Variants in CELF2 observed in about 807,000 individuals in gnomAD.
The protein encoded by CELF2 is CUG triplet repeat RNA-binding protein 2.
In CELF2, 8 loss-of-function variants were observed where a neutral mutation model predicts 62.6. That is an observed-to-expected ratio of 0.13 (90% CI 0.07 to 0.23). CELF2 has a LOEUF of 0.23. CELF2 is among the 10% of genes least tolerant of loss of function. CELF2 has a pLI of 1.00. For missense variants in CELF2, 333 were observed against 671.0 expected (o/e 0.50, Z 5.56); for synonymous variants, 258 against 250.0 (o/e 1.03, Z -0.30).
At chr10:10,641,705 T>A in the CELF2 span, among the ~76,000 whole-genome samples, 2 of 152,134 alleles carry the variant, frequency 1.3e-5, no homozygotes, top group Non-Finnish European at 2.9e-5. Flanking sequence ...CGCCTCGGCC[T>A]CCCAAAGTGC....
chr10:11,300,200 T>C lies in CELF2; in HGVS notation c.976+11648T>C, dbSNP rs1410893305. ...ATTAAAGGAGTGGAAACAGGACAGC[T>C]GCTTTGGACGTGAGGAGCAGGTGCT... On this transcript the variant is annotated intron_variant, in intron 9 of 12. Transcript: ENST00000633077. The surrounding 1 kb of genome is among the most constrained non-coding windows in gnomAD (Gnocchi z 5.5). Among the ~76,000 whole-genome samples the C allele has an allele frequency of 5.9e-5, 9 of 152,214 alleles. No individual in the cohort carries two copies. The highest frequency in any genetic ancestry group is 1.0e-4 in the Non-Finnish European group (7 of 68,042).
chr10:10,795,791 T>C (rs547860717), upstream of CELF2, among the ~76,000 whole-genome samples: 71 of 152,274 alleles, frequency 4.7e-4, 1 homozygote, highest in South Asian at 0.012. Flanking sequence ...TTGGACTCAA[T>C]GCATCCTTTA....
rs1302679584 is a variant in CELF2 at position 11,010,711 on chromosome 10, A to C, written c.53+5271A>C. Among the ~76,000 whole-genome samples the C allele has an allele frequency of 6.6e-6, 1 of 152,224 alleles. No homozygotes were observed. The highest frequency in any genetic ancestry group is 1.5e-5 in the Non-Finnish European group (1 of 68,040). ...TGACAGTATAACTATTTAATAGTTG[A>C]CATTTTAAAGACATTTCTTTCTCTG... On this transcript the variant is annotated intron_variant, in intron 1 of 12. Coordinates refer to the CELF2 transcript ENST00000416382. This position sits in a 1 kb window ranked among gnomAD's most constrained non-coding sequence, Gnocchi z 4.1.
chr10:10,842,955 A>T (rs897038065), intron 1 of CELF2, among the ~76,000 whole-genome samples: 2 of 152,038 alleles, frequency 1.3e-5, no homozygotes, highest in Non-Finnish European at 2.9e-5. Context: ...AAGAAAGGTT[A>T]CTTATTAATT....
rs770900438 is a variant in CELF2, at chr10:11,217,826, A to G, written c.354+319A>G. On this transcript the variant is annotated intron_variant, in intron 3 of 12. Transcript: ENST00000633077. This position sits in a 1 kb window ranked among gnomAD's most constrained non-coding sequence, Gnocchi z 5.6. ...AAAAGGAAAAAAAAACCCAACACAC[A>G]CAAGAGAAGCAAATGGAAAAGAAAA... Among the ~76,000 whole-genome samples the G allele has an allele frequency of 1.8e-4, 28 of 152,216 alleles. No individual in the cohort carries two copies. Among genetic ancestry groups the G allele is most frequent in the Non-Finnish European group, 3.8e-4 (26 of 68,042 alleles).
intron 1 of CELF2, among the ~76,000 whole-genome samples, chr10:10,902,802 TGAGGAAGGAAGGA>T (rs2063032548): frequency 9.1e-6 from 1 of 109,992 alleles, no homozygotes; most frequent in Admixed American, 9.4e-5. Context: ...GGAGAGGAAG[TGAGGAAGGAAGGA>T]GAGGAAGGAA....
chr10:10,684,981 C>G, the CELF2 span, among the ~76,000 whole-genome samples: 7 of 152,186 alleles, frequency 4.6e-5, no homozygotes, highest in East Asian at 1.4e-3. Context: ...TTGGTTAGAG[C>G]AAAACCAACA....
In CELF2 at chr10:11,224,081, A is replaced by C. The variant is rs1345134543; in HGVS notation, c.354+6574A>C. The stretch of plus-strand genomic sequence containing the variant: ...CCTACTCGGTATAAGGAATTGTACG[A>C]GAGAAAATGTATGAGGATTCTTCAG... On this transcript the variant is annotated intron_variant, in intron 3 of 12. Transcript: ENST00000633077. The surrounding 1 kb of genome is among the most constrained non-coding windows in gnomAD (Gnocchi z 4.5). 2.0e-5 allele frequency among the ~76,000 whole-genome samples: 3 copies of C among 152,234 alleles called. No homozygotes were observed. Among genetic ancestry groups the C allele is most frequent in the East Asian group, 3.8e-4 (2 of 5,206 alleles).
chr10:11,280,423 G>A lies in CELF2; in HGVS notation c.841+5303G>A, dbSNP rs1311330249. 3.3e-5 allele frequency among the ~76,000 whole-genome samples: 5 copies of A among 152,144 alleles called. No homozygotes were observed. The highest frequency in any genetic ancestry group is 7.4e-5 in the Non-Finnish European group (5 of 68,024). ...CAGGCCAGTGCCTTTCCCCAAAACCGTTTCTCCCCCGCATAGGAGGGGAAG... is the reference window on the plus strand; with the variant it reads ...CAGGCCAGTGCCTTTCCCCAAAACCATTTCTCCCCCGCATAGGAGGGGAAG... On this transcript the variant is annotated intron_variant, in intron 8 of 12. Transcript: ENST00000633077. This position sits in a 1 kb window ranked among gnomAD's most constrained non-coding sequence, Gnocchi z 7.6.
chr10:10,747,745 C>T, the CELF2 span, among the ~76,000 whole-genome samples: 1 of 152,164 alleles, frequency 6.6e-6, no homozygotes, highest in African/African-American at 2.4e-5. Context: ...CTTGCTCTGT[C>T]GTCCAGGCTG....
intron 1 of CELF2, among the ~76,000 whole-genome samples, chr10:11,007,586 T>C (rs1271246892): frequency 1.3e-5 from 2 of 152,212 alleles, no homozygotes; most frequent in Non-Finnish European, 2.9e-5. Context: ...TTGTCTTACT[T>C]GCGATGGGAT....
rs150317850 is a variant in CELF2 at position 10,953,256 on chromosome 10, TCC to T, written c.89+33258_89+33259del. 6.6e-5 allele frequency among the ~76,000 whole-genome samples: 10 copies of T among 152,312 alleles called. No individual in the cohort carries two copies. The East Asian group carries it at 1.5e-3, about 23-fold the overall frequency. On this transcript the variant is annotated intron_variant, in intron 2 of 13. Coordinates refer to the CELF2 transcript ENST00000636488. ...TCCGTGGCAAGGGAGGAAAATACAG[TCC>T]ATCACTCATGTCATTTCAGAAACTT...
chr10:10,894,376 G>A (rs887039074), intron 1 of CELF2, among the ~76,000 whole-genome samples: 1 of 152,212 alleles, frequency 6.6e-6, no homozygotes, highest in African/African-American at 2.4e-5. Flanking sequence ...TTAATGTAAT[G>A]TCTAAAATGA....
chr10:10,909,147 C>T (rs1188821610), intron 1 of CELF2, among the ~76,000 whole-genome samples: 1 of 152,140 alleles, frequency 6.6e-6, no homozygotes, highest in Non-Finnish European at 1.5e-5. Flanking sequence ...GCCCCATGTT[C>T]TGACTGTAGG....
chr10:11,271,352 G>C (rs1426554840), intron 7 of CELF2, among the ~76,000 whole-genome samples: 1 of 152,204 alleles, frequency 6.6e-6, no homozygotes, highest in Non-Finnish European at 1.5e-5. Flanking sequence ...CTTGGTGTCT[G>C]AACTTGAGCT....
intron 2 of CELF2, among the ~76,000 whole-genome samples, chr10:11,209,892 C>G (rs770899903): frequency 6.6e-6 from 1 of 152,152 alleles, no homozygotes; most frequent in Non-Finnish European, 1.5e-5. Context: ...TTGACTTAAA[C>G]TGGCTTGCAT....
At chr10:10,846,578 G>C (rs1366848731) in intron 1 of CELF2, among the ~76,000 whole-genome samples, 1 of 152,164 alleles carries the variant, frequency 6.6e-6, no homozygotes, top group Non-Finnish European at 1.5e-5. Context: ...ATTTAGAAGG[G>C]TTCCATAAAT....
chr10:10,660,198 T>C, the CELF2 span, among the ~76,000 whole-genome samples: 1 of 152,200 alleles, frequency 6.6e-6, no homozygotes, highest in Non-Finnish European at 1.5e-5. Context: ...TCACGGATGA[T>C]CATGACTTAA....
the CELF2 span, among the ~76,000 whole-genome samples, chr10:10,525,586 T>A: frequency 6.6e-6 from 1 of 152,354 alleles, no homozygotes; most frequent in Non-Finnish European, 1.5e-5. Context: ...AGTGAGACCA[T>A]GCAAAATTTG....
Sources: gnomAD v4.1 joint callset for allele counts (sites outside exome capture counted in the v4.1 genomes callset) on GRCh38, gnomAD v4.1.1 for gene constraint, Gnocchi (gnomAD v3.1) non-coding constraint, MANE v1.5 for transcripts, NCBI Gene and HGNC (gene_info 2026-07-23, HGNC 2026-07-21) for gene names.